The following CNST variants were observed in gnomAD, a reference collection of about 807,000 sequenced individuals.
CNST encodes the protein consortin, connexin sorting protein.
CNST carries 39 observed loss-of-function variants against 72.4 expected under a neutral mutation model. That is an observed-to-expected ratio of 0.54 (90% CI 0.42 to 0.70). CNST has a LOEUF of 0.70. Among genes scored for constraint, CNST ranks in the 30% least tolerant of loss-of-function variants. The pLI is 0.00. For synonymous variants in CNST, 332 were observed against 320.1 expected (o/e 1.04, Z -0.40); for missense variants, 871 against 868.5 (o/e 1.00, Z -0.04).
At chr1:246,604,639 G>A (rs1363613740) in intron 2 of CNST, among the ~76,000 whole-genome samples, 2 of 151,328 alleles carry the variant, frequency 1.3e-5, no homozygotes, top group Admixed American at 6.6e-5. Flanking sequence ...TATATTTTCA[G>A]GAGACGGAAT....
intron 3 of CNST, among the ~76,000 whole-genome samples, chr1:246,628,909 T>G (rs1664608424): frequency 6.6e-6 from 1 of 152,244 alleles, no homozygotes. Context: ...TTTCACATGA[T>G]TCCACTCAGC....
At chr1:246,644,359 G>T (rs189013457) in intron 8 of CNST, among the ~76,000 whole-genome samples, 1 of 132,296 alleles carries the variant, frequency 7.6e-6, no homozygotes, top group African/African-American at 2.9e-5. Context: ...ACTGCGCTCC[G>T]CCTGGGCGAC....
chr1:246,605,177 A>G (rs1662630964), intron 2 of CNST, among the ~76,000 whole-genome samples: 1 of 152,330 alleles, frequency 6.6e-6, no homozygotes, highest in Admixed American at 6.5e-5. Context: ...AGCCATTTTG[A>G]TATTAGCAAA....
At chr1:246,593,854 C>T (rs2103028853) in intron 2 of CNST, among the ~76,000 whole-genome samples, 1 of 152,276 alleles carries the variant, frequency 6.6e-6, no homozygotes, top group South Asian at 2.1e-4. Flanking sequence ...CCTTGATCTC[C>T]CAGGCACAAG....
At chr1:246,595,096 C>T (rs1341716952) in intron 2 of CNST, among the ~76,000 whole-genome samples, 1 of 152,136 alleles carries the variant, frequency 6.6e-6, no homozygotes, top group Non-Finnish European at 1.5e-5. Flanking sequence ...TCTGCCCGGG[C>T]TGGCCATGGA....
intron 1 of CNST, among the ~76,000 whole-genome samples, chr1:246,586,115 G>A (rs199669484): frequency 3.0e-4 from 22 of 73,366 alleles, no homozygotes; most frequent in African/African-American, 3.1e-4. Flanking sequence ...ATATATATGT[G>A]TGTGTGTGTG....
chr1:246,664,051 T>A (rs904053495), intron 10 of CNST, among the ~76,000 whole-genome samples: 1 of 152,210 alleles, frequency 6.6e-6, no homozygotes, highest in African/African-American at 2.4e-5. Flanking sequence ...TGTAAAAATA[T>A]ATGCTAATTA....
At chr1:246,660,400 G>A in intron 10 of CNST, 66 bp downstream of exon 10, 2 of 1,531,812 alleles carry the variant, frequency 1.3e-6, no homozygotes, top group Non-Finnish European at 1.8e-6. Flanking sequence ...ATGAGTTTGT[G>A]AATGATGTGA....
intron 2 of CNST, among the ~76,000 whole-genome samples, chr1:246,592,778 T>C (rs1661628100): frequency 6.6e-6 from 1 of 152,272 alleles, no homozygotes; most frequent in Non-Finnish European, 1.5e-5. Context: ...ATAAGACATC[T>C]GGTTCTAATT....
At chr1:246,657,555 A>C (rs12738032) in intron 9 of CNST, among the ~76,000 whole-genome samples, 8,420 of 152,254 alleles carry the variant, frequency 0.055, 330 homozygotes, top group Middle Eastern at 0.099. Context: ...CACAATTGTA[A>C]TTTCTCATAC....
Position 246,600,103 on chromosome 1 carries a change from G to A in CNST, c.379+8162G>A, listed in dbSNP as rs143421546. 1.4e-4 allele frequency among the ~76,000 whole-genome samples: 22 copies of A among 152,274 alleles called. No homozygotes were observed. In the East Asian group the frequency reaches 2.7e-3, roughly 19 times the overall value. ...GGTGCTAGTGAAGTAAAAGCAATGC[G>A]GACAAAGAGGAGAGGAAGGACGTCA... is the stretch of plus-strand genomic sequence containing the variant. On this transcript the variant is annotated intron_variant, in intron 2 of 10. Transcript: ENST00000366513.
At chr1:246,585,011 A>G (rs761793120) in intron 1 of CNST, among the ~76,000 whole-genome samples, 1 of 152,214 alleles carries the variant, frequency 6.6e-6, no homozygotes, top group African/African-American at 2.4e-5. Context: ...GGCAGGCAAC[A>G]GGTTAGAACA....
At chr1:246,585,483 C>T (rs1229030515) in intron 1 of CNST, among the ~76,000 whole-genome samples, 1 of 151,426 alleles carries the variant, frequency 6.6e-6, no homozygotes, top group African/African-American at 2.4e-5. Context: ...CCTGCATGTA[C>T]TAAAAATACA....
intron 2 of CNST, among the ~76,000 whole-genome samples, chr1:246,613,734 T>C (rs72762785): frequency 0.45 from 50,645 of 113,176 alleles, 12,767 homozygotes; most frequent in Non-Finnish European, 0.55. Flanking sequence ...AGCTTTGTCT[T>C]CCAGGCTGGA....
intron 2 of CNST, among the ~76,000 whole-genome samples, chr1:246,618,996 CA>C (rs1253329330): frequency 2.0e-5 from 3 of 152,130 alleles, no homozygotes; most frequent in African/African-American, 7.2e-5. Context: ...ACAAGCATCA[CA>C]AAATCTCATC....
chr1:246,586,556 T>G (rs1002083121), intron 1 of CNST, among the ~76,000 whole-genome samples: 68 of 151,472 alleles, frequency 4.5e-4, no homozygotes, highest in African/African-American at 1.6e-3. Flanking sequence ...TGCATGTTAG[T>G]CCCTCTTTTT....
rs1201798285 is a variant in CNST at position 246,634,614 on chromosome 1, T to G, written c.818+27T>G. The G allele has an allele frequency of 6.5e-6, 8 of 1,222,622 alleles. No individual in the cohort carries two copies. The African/African-American group carries it at 1.2e-4, about 19-fold the overall frequency. The allele number at this position is 1,222,622 out of a possible 1,614,324, so 75.7% of individuals were successfully genotyped here. A position where few individuals can be genotyped will look rare whatever the true frequency, so the allele number is the denominator to read the frequency against. On this transcript the variant is annotated intron_variant, in intron 6 of 10. Transcript: ENST00000366513. Reference sequence around the variant, plus strand: ...TAAGTATATCAGAATTTCGTTAGAATGAGTTGGAGTAGAATATTGAAGAAG... The same window carrying G: ...TAAGTATATCAGAATTTCGTTAGAAGGAGTTGGAGTAGAATATTGAAGAAG...
chr1:246,659,488 C>G (rs1042103922), intron 9 of CNST, among the ~76,000 whole-genome samples: 8 of 151,626 alleles, frequency 5.3e-5, no homozygotes, highest in Non-Finnish European at 8.8e-5. Context: ...CCAGCTACCC[C>G]GGAGGCTGAG....
chr1:246,634,500 A>G lies in CNST; in HGVS notation c.731A>G (p.His244Arg), dbSNP rs373604546. Residue 244 changes from histidine to arginine, a missense_variant, in exon 6 of 11, where the codon CAT becomes CGT. By Grantham distance (29) the His-to-Arg change is conservative (BLOSUM62 0). Coordinates refer to ENST00000366513, the MANE Select transcript of CNST (RefSeq NM_152609.3). ...ACAAAATGGAAAACTGTGCAACCAC[A>G]TACAGTTACGGCTCTAAGGAATTCA... ...WETKWKTVQP[H>R]TVTALRNSEK... 5.6e-6 allele frequency: 9 copies of G among 1,600,138 alleles called. No individual in the cohort carries two copies. The highest frequency in any genetic ancestry group is 2.7e-5 in the African/African-American group (2 of 74,160).
Sources: allele counts gnomAD v4.1 joint callset (sites outside exome capture counted in the v4.1 genomes callset), GRCh38; gene constraint gnomAD v4.1.1; transcripts MANE v1.5; gene names NCBI Gene and HGNC (gene_info 2026-07-23, HGNC 2026-07-21).